The following CDH8 variants were observed in gnomAD, a reference collection of about 807,000 sequenced individuals.
The protein encoded by CDH8 is cadherin 8, also known as cadherin-8.
CDH8 carries 17 observed loss-of-function variants against 68.1 expected under a neutral mutation model. The ratio of observed to expected loss-of-function variants is 0.25; its 90% CI spans 0.17 to 0.37. The LOEUF (loss-of-function observed/expected upper bound fraction) is 0.37. CDH8 is among the 10% of genes least tolerant of loss of function. The pLI is 1.00. For missense variants in CDH8, 763 were observed against 999.3 expected, an observed-to-expected ratio of 0.76 and a Z score of 3.19; for synonymous variants, 372 against 365.1, an observed-to-expected ratio of 1.02 and a Z score of -0.21.
Position 61,653,249 on chromosome 16 carries a change from AT to A in CDH8, c.*358del, listed in dbSNP as rs536383228. 0.03 allele frequency: 35,472 copies of A among 1,164,620 alleles called. 632 individuals carry two copies. The highest frequency in any genetic ancestry group is 0.034 in the Non-Finnish European group (32,267 of 946,340). 72.1% of individuals were successfully genotyped at this position (1,164,620 alleles called of 1,614,324 possible). On this transcript the variant is annotated 3_prime_UTR_variant, in exon 12 of 12. Coordinates refer to ENST00000577390, the MANE Select transcript of CDH8 (RefSeq NM_001796.5). ...AGCAGCAGATTCCTTGCAGGTCCGTATTTTTTTTTCTAAGAAAGCACCTTTT... is the reference window on the plus strand; with the variant it reads ...AGCAGCAGATTCCTTGCAGGTCCGTATTTTTTTTCTAAGAAAGCACCTTTT...
chr16:61,843,158 G>A lies in CDH8; in HGVS notation c.667+13961C>T, dbSNP rs565543574. Among the ~76,000 whole-genome samples, 3 of 152,148 alleles carry A rather than the reference G, an allele frequency of 2.0e-5. No homozygotes were observed. The South Asian group carries it at 6.2e-4, about 32-fold the overall frequency. Reference sequence around the variant, plus strand: ...CACCAAGATAATAAGGCTGGTATTTGTTTTGTGTATTAAATGTAAACAAGA... The same window carrying A: ...CACCAAGATAATAAGGCTGGTATTTATTTTGTGTATTAAATGTAAACAAGA... On this transcript the variant is annotated intron_variant, in intron 4 of 11. Coordinates refer to ENST00000577390, the MANE Select transcript of CDH8 (RefSeq NM_001796.5).
chr16:61,701,290 C>T (rs1056156276), intron 10 of CDH8, among the ~76,000 whole-genome samples: 1 of 152,112 alleles, frequency 6.6e-6, no homozygotes, highest in Admixed American at 6.5e-5. Context: ...TAGGTGAGGG[C>T]TCTTGTATTT....
At chr16:61,726,719 G>A in intron 9 of CDH8, 1 of 308,208 alleles carries the variant, frequency 3.2e-6, no homozygotes, top group Non-Finnish European at 5.9e-6. Context: ...TCATATGTTT[G>A]CTGTGAAACA....
chr16:61,706,604 G>C (rs534695692), intron 10 of CDH8, among the ~76,000 whole-genome samples: 1 of 112,446 alleles, frequency 8.9e-6, no homozygotes, highest in African/African-American at 3.5e-5. Context: ...CTGGGCACCA[G>C]AGCAAGACTC....
At chr16:61,968,029 C>T (rs1274754601) in intron 2 of CDH8, among the ~76,000 whole-genome samples, 2 of 152,112 alleles carry the variant, frequency 1.3e-5, no homozygotes, top group African/African-American at 2.4e-5. Context: ...AGGCTGGTCT[C>T]GAACTCCTGA....
intron 8 of CDH8, among the ~76,000 whole-genome samples, chr16:61,787,388 G>A (rs958018559): frequency 2.1e-5 from 3 of 144,350 alleles, no homozygotes; most frequent in African/African-American, 8.1e-5. Flanking sequence ...AAACCACTAT[G>A]AGATACCATC....
At chr16:61,970,236 T>C (rs900099545) in intron 2 of CDH8, among the ~76,000 whole-genome samples, 1 of 152,166 alleles carries the variant, frequency 6.6e-6, no homozygotes, top group Admixed American at 6.5e-5. Flanking sequence ...ACATTAGCCA[T>C]GTGATTTAGA....
intron 2 of CDH8, among the ~76,000 whole-genome samples, chr16:61,947,740 T>C (rs1196617990): frequency 1.3e-5 from 2 of 152,234 alleles, no homozygotes; most frequent in Non-Finnish European, 2.9e-5. Context: ...TTACAAGTTA[T>C]GTCTAAGATT....
chr16:61,926,787 A>T (rs1464100763), intron 2 of CDH8, among the ~76,000 whole-genome samples: 1 of 152,172 alleles, frequency 6.6e-6, no homozygotes, highest in Non-Finnish European at 1.5e-5. Context: ...GGAGACTGGC[A>T]TCTAGGGTGT....
intron 10 of CDH8, among the ~76,000 whole-genome samples, chr16:61,670,697 G>A (rs1239325301): frequency 6.6e-6 from 1 of 151,826 alleles, no homozygotes; most frequent in African/African-American, 2.4e-5. Context: ...TCTAATCTGT[G>A]GGATATCCAT....
chr16:61,841,390 T>A (rs1331232995), intron 4 of CDH8, among the ~76,000 whole-genome samples: 1 of 152,174 alleles, frequency 6.6e-6, no homozygotes, highest in Admixed American at 6.5e-5. Context: ...TAGATGGAAC[T>A]GGAGATCATT....
At chr16:61,905,117 G>A (rs979074971) in intron 2 of CDH8, among the ~76,000 whole-genome samples, 1 of 152,186 alleles carries the variant, frequency 6.6e-6, no homozygotes, top group Non-Finnish European at 1.5e-5. Flanking sequence ...CAAAAAGGCT[G>A]GGGAAGGGTG....
intron 2 of CDH8, among the ~76,000 whole-genome samples, chr16:61,967,481 G>A (rs1278413981): frequency 6.6e-6 from 1 of 152,170 alleles, no homozygotes; most frequent in Non-Finnish European, 1.5e-5. Flanking sequence ...GAGGATTTGG[G>A]ATTTCTTTAT....
intron 10 of CDH8, among the ~76,000 whole-genome samples, chr16:61,685,402 A>G (rs1387739697): frequency 4.6e-5 from 7 of 151,938 alleles, no homozygotes; most frequent in Admixed American, 1.3e-4. Flanking sequence ...TGAATCAACC[A>G]TTCAGATATC....
intron 8 of CDH8, among the ~76,000 whole-genome samples, chr16:61,753,014 A>G (rs935986084): frequency 7.2e-5 from 11 of 152,172 alleles, no homozygotes; most frequent in Non-Finnish European, 1.5e-4. Flanking sequence ...TATTTAAGGC[A>G]ACAACCACAA....
At chr16:61,782,660 C>A (rs1245576094) in intron 8 of CDH8, among the ~76,000 whole-genome samples, 427 of 152,212 alleles carry the variant, frequency 2.8e-3, no homozygotes, top group African/African-American at 0.01. Context: ...AAAAAGACAG[C>A]AGTAACCTCT....
chr16:61,950,562 T>C (rs558305534), intron 2 of CDH8, among the ~76,000 whole-genome samples: 1 of 152,232 alleles, frequency 6.6e-6, no homozygotes, highest in Non-Finnish European at 1.5e-5. Flanking sequence ...TGTCAAGATA[T>C]GAGACTGCAT....
chr16:62,002,858 C>T (rs1033732522), intron 2 of CDH8, among the ~76,000 whole-genome samples: 4 of 152,258 alleles, frequency 2.6e-5, no homozygotes, highest in African/African-American at 4.8e-5. Flanking sequence ...TCAAGACCAT[C>T]CTGGCTAACA....
chr16:61,854,114 G>A (rs906664488), intron 4 of CDH8, among the ~76,000 whole-genome samples: 6 of 136,788 alleles, frequency 4.4e-5, no homozygotes, highest in African/African-American at 1.3e-4. Context: ...ACACACACAT[G>A]CACACATATA....
Sources: gnomAD v4.1 joint callset for allele counts (sites outside exome capture counted in the v4.1 genomes callset) on GRCh38, gnomAD v4.1.1 for gene constraint, MANE v1.5 for transcripts, NCBI Gene and HGNC (gene_info 2026-07-23, HGNC 2026-07-21) for gene names.